EML6: variants seen among roughly 807,000 people sequenced by gnomAD.
EML6 encodes the protein echinoderm microtubule-associated protein-like 6.
EML6 carries 154 observed loss-of-function variants against 240.1 expected under a neutral mutation model. That is an observed-to-expected ratio of 0.64 (90% CI 0.56 to 0.73). EML6 has a LOEUF of 0.73. Ranked by LOEUF, EML6 falls within the 30% of genes least tolerant of loss-of-function variation. EML6 has a pLI of 0.00. For synonymous variants in EML6, 1,148 were observed against 899.0 expected (o/e 1.28, Z -4.95); for missense variants, 2,964 against 2,474.6 (o/e 1.20, Z -4.20).
chr2:54,791,635 T>C (rs1400889302), intron 2 of EML6, among the ~76,000 whole-genome samples: 1 of 152,202 alleles, frequency 6.6e-6, no homozygotes, highest in Non-Finnish European at 1.5e-5. Context: ...GGTATCCCTT[T>C]TGTTCTTCTC....
intron 2 of EML6, among the ~76,000 whole-genome samples, chr2:54,812,664 T>C (rs1016546333): frequency 6.6e-6 from 1 of 152,268 alleles, no homozygotes; most frequent in African/African-American, 2.4e-5. Flanking sequence ...TAATTTGTAG[T>C]TCTTTGGTGT....
intron 7 of EML6, among the ~76,000 whole-genome samples, chr2:54,830,157 A>G (rs981802226): frequency 6.6e-5 from 10 of 152,266 alleles, no homozygotes; most frequent in African/African-American, 2.2e-4. Flanking sequence ...AATACAATAC[A>G]TCTTTTAAAA....
intron 12 of EML6, 121 bp downstream of exon 12, chr2:54,859,822 T>C: frequency 1.3e-6 from 1 of 754,014 alleles, no homozygotes; most frequent in Non-Finnish European, 2.0e-6. Flanking sequence ...ATTCCTGTAA[T>C]CTTAAAATTT....
intron 8 of EML6, among the ~76,000 whole-genome samples, chr2:54,844,923 C>T (rs572025785): frequency 2.0e-5 from 3 of 152,046 alleles, no homozygotes; most frequent in African/African-American, 7.2e-5. Context: ...AGAATGTTAC[C>T]CCAATTTCAG....
At chr2:54,944,933 T>C (rs1372986991) in intron 28 of EML6, among the ~76,000 whole-genome samples, 4 of 151,378 alleles carry the variant, frequency 2.6e-5, no homozygotes, top group African/African-American at 9.7e-5. Flanking sequence ...TAACCCTGGA[T>C]TTATCCTAGA....
intron 2 of EML6, among the ~76,000 whole-genome samples, chr2:54,786,087 G>T (rs1337074411): frequency 6.6e-6 from 1 of 152,058 alleles, no homozygotes; most frequent in Non-Finnish European, 1.5e-5. Context: ...CTAGCTGAGA[G>T]CACCCATTGT....
At chr2:54,881,007 T>C (rs969211426) in intron 17 of EML6, 38 of 152,194 alleles carry the variant, frequency 2.5e-4, no homozygotes, top group Admixed American at 9.2e-4. Flanking sequence ...TGGATAGTGT[T>C]ACTGCCTCTA....
intron 2 of EML6, among the ~76,000 whole-genome samples, chr2:54,759,714 A>G (rs1667895669): frequency 6.6e-6 from 1 of 152,078 alleles, no homozygotes; most frequent in Non-Finnish European, 1.5e-5. Flanking sequence ...CCAAGCTAGC[A>G]TGTGAATGCT....
rs537416570 is a variant in EML6 at position 54,774,922 on chromosome 2, A to G, written c.198-38310A>G. Among the ~76,000 whole-genome samples, 1 of 152,364 alleles carries G rather than the reference A, an allele frequency of 6.6e-6. No individual in the cohort carries two copies. The highest frequency in any genetic ancestry group is 6.5e-5 in the Admixed American group (1 of 15,308). On this transcript the variant is annotated intron_variant, in intron 2 of 41. Transcript: ENST00000356458. This position sits in a 1 kb window ranked among gnomAD's most constrained non-coding sequence, Gnocchi z 4.1. The stretch of plus-strand genomic sequence containing the variant: ...AATACAGAAAGTGCTTACAACATGT[A>G]AAATTCTGTATTGTTGACATTCATT...
At chr2:54,886,472 TTTC>T (rs1672150862) in intron 17 of EML6, among the ~76,000 whole-genome samples, 1 of 152,134 alleles carries the variant, frequency 6.6e-6, no homozygotes, top group Non-Finnish European at 1.5e-5. Flanking sequence ...GTCTGGCCTC[TTTC>T]TTTCTTCTAT....
At chr2:54,904,317 TA>T (rs1384198536) in intron 24 of EML6, among the ~76,000 whole-genome samples, 2 of 152,142 alleles carry the variant, frequency 1.3e-5, no homozygotes, top group African/African-American at 4.8e-5. Flanking sequence ...TCGTAAATCC[TA>T]TCCTCAAGAC....
In EML6 at chr2:54,968,294, CAG is replaced by C; in HGVS notation, c.5751+16_5751+17del. 6.4e-7 allele frequency: 1 copy of C among 1,551,588 alleles called. No individual in the cohort carries two copies. The highest frequency in any genetic ancestry group is 8.7e-7 in the Non-Finnish European group (1 of 1,146,936). ...CACAGAAAAATTTGTGAGTGTTCCT[CAG>C]AGTAACCTCCCTGCAGGTTCTCTGT... On this transcript the variant is annotated intron_variant, in intron 40 of 41. Coordinates refer to ENST00000356458, the MANE Select transcript of EML6 (RefSeq NM_001039753.4).
At chr2:54,796,886 C>T (rs354946) in intron 2 of EML6, among the ~76,000 whole-genome samples, 4 of 151,924 alleles carry the variant, frequency 2.6e-5, no homozygotes, top group Admixed American at 2.6e-4. Flanking sequence ...AGTCACAAGG[C>T]GGGGATCCTT....
chr2:54,844,243 T>C lies in EML6; in HGVS notation c.1044T>C (p.Ser348=). 3.2e-6 allele frequency: 5 copies of C among 1,551,502 alleles called. No individual in the cohort carries two copies. Among genetic ancestry groups the C allele is most frequent in the Non-Finnish European group, 4.4e-6 (5 of 1,146,822 alleles). The change falls in exon 8 of 42, where the codon TCT becomes TCC. Residue 348 remains serine (S), a synonymous_variant. Coordinates refer to ENST00000356458, the MANE Select transcript of EML6 (RefSeq NM_001039753.4). ...PLAVTGSDDR[S]VRLWSLADHA... ...CTGTGACAGGCAGCGATGACCGCTC[T>C]GTCAGGTGAGGCCCTACCGCCGTCA...
At chr2:54,865,126 A>C (rs1011327362) in intron 13 of EML6, among the ~76,000 whole-genome samples, 1 of 152,214 alleles carries the variant, frequency 6.6e-6, no homozygotes, top group Admixed American at 6.5e-5. Flanking sequence ...AAATTTAAAC[A>C]CAATACAGAA....
At chr2:54,841,105 G>A (rs942976469) in intron 7 of EML6, among the ~76,000 whole-genome samples, 8 of 152,256 alleles carry the variant, frequency 5.3e-5, no homozygotes, top group Admixed American at 6.5e-5. Flanking sequence ...AAGGAGGGGG[G>A]GCTGTGGCAA....
chr2:54,889,377 T>C (rs1672333590), intron 17 of EML6, among the ~76,000 whole-genome samples: 1 of 151,732 alleles, frequency 6.6e-6, no homozygotes, highest in Non-Finnish European at 1.5e-5. Flanking sequence ...GTTGAATTTA[T>C]AAACTAAGGG....
chr2:54,879,650 TG>T lies in EML6; in HGVS notation c.2438+11del, dbSNP rs1329897036. 9 of 1,491,340 alleles carry T rather than the reference TG, an allele frequency of 6.0e-6. No individual in the cohort carries two copies. Among genetic ancestry groups the T allele is most frequent in the Non-Finnish European group, 8.2e-6 (9 of 1,091,746 alleles). The allele number at this position is 1,491,340 out of a possible 1,614,324, so 92.4% of individuals were successfully genotyped here. A position where few individuals can be genotyped will look rare whatever the true frequency, so the allele number is the denominator to read the frequency against. On this transcript the variant is annotated intron_variant, in intron 17 of 41. Coordinates refer to ENST00000356458, the MANE Select transcript of EML6 (RefSeq NM_001039753.4). The stretch of plus-strand genomic sequence containing the variant: ...AGATAGCCACAACAAGGTAAGAAGC[TG>T]CCGGGATCTTACGGTATCCTGCTGA...
chr2:54,886,160 C>CTTTTTTTTTTTTTTTTTTTTTTTT (rs869107962), intron 17 of EML6, among the ~76,000 whole-genome samples: 2 of 82,216 alleles, frequency 2.4e-5, no homozygotes, highest in Non-Finnish European at 4.8e-5. Context: ...TTTTAACCTT[C>CTTTTTTTTTTTTTTTTTTTTTTTT]TTTTTTTTTT....
Sources: allele counts gnomAD v4.1 joint callset (sites outside exome capture counted in the v4.1 genomes callset), GRCh38; gene constraint gnomAD v4.1.1; non-coding constraint Gnocchi (gnomAD v3.1); transcripts MANE v1.5; gene names NCBI Gene and HGNC (gene_info 2026-07-23, HGNC 2026-07-21).